The following CSMD3 variants were observed in gnomAD, a reference collection of about 807,000 sequenced individuals.
CSMD3 encodes the protein CUB and sushi domain-containing protein 3.
Under a neutral mutation model 435.2 loss-of-function variants are expected in CSMD3, and 177 were observed. The ratio of observed to expected loss-of-function variants is 0.41; its 90% CI spans 0.36 to 0.46. The LOEUF is 0.46. CSMD3 is among the 20% of genes least tolerant of loss of function. The pLI is 0.34. For synonymous variants in CSMD3, 1,656 were observed against 1,520.5 expected, an observed-to-expected ratio of 1.09 and a Z score of -2.07; for missense variants, 4,265 against 4,504.6, an observed-to-expected ratio of 0.95 and a Z score of 1.52.
At chr8:112,642,205 T>C (rs562240777) in intron 20 of CSMD3, among the ~76,000 whole-genome samples, 1 of 152,236 alleles carries the variant, frequency 6.6e-6, no homozygotes, top group Admixed American at 6.5e-5. Context: ...TTTTCTAATA[T>C]GTAAAGTAAT....
chr8:112,490,491 A>C (rs1433132840), intron 31 of CSMD3, among the ~76,000 whole-genome samples: 2 of 152,190 alleles, frequency 1.3e-5, no homozygotes, highest in Non-Finnish European at 2.9e-5. Flanking sequence ...TGATTATATT[A>C]GGTGGGCATA....
chr8:112,347,681 C>T (rs1391167707), intron 40 of CSMD3, among the ~76,000 whole-genome samples: 1 of 152,036 alleles, frequency 6.6e-6, no homozygotes, highest in African/African-American at 2.4e-5. Context: ...GTTAATTCAC[C>T]CTTAAACCAA....
At chr8:113,376,620 A>G (rs2094384937) in intron 1 of CSMD3, 1 of 1,131,982 alleles carries the variant, frequency 8.8e-7, no homozygotes. Context: ...CATCAAAAGA[A>G]AGTTTACCAC....
At chr8:113,296,291 T>TATAATAATAATAATAATAATAATA in intron 2 of CSMD3, among the ~76,000 whole-genome samples, 1 of 146,268 alleles carries the variant, frequency 6.8e-6, no homozygotes, top group South Asian at 2.2e-4. Context: ...GAACTTAAAG[T>TATAATAATAATAATAATAATAATA]ATAATAATAA....
chr8:112,758,395 G>GT (rs1237142303), intron 13 of CSMD3, among the ~76,000 whole-genome samples: 5 of 151,528 alleles, frequency 3.3e-5, no homozygotes, highest in Non-Finnish European at 5.9e-5. Context: ...GATTTTTAAA[G>GT]TGCAACTCCC....
At chr8:113,182,643 G>C (rs2092439065) in intron 3 of CSMD3, among the ~76,000 whole-genome samples, 1 of 151,990 alleles carries the variant, frequency 6.6e-6, no homozygotes, top group Admixed American at 6.6e-5. Flanking sequence ...ATTGCTCTAG[G>C]CTAGGAGAGA....
intron 24 of CSMD3, among the ~76,000 whole-genome samples, chr8:112,569,485 T>C (rs1377368): frequency 0.21 from 31,709 of 152,166 alleles, 4,076 homozygotes; most frequent in East Asian, 0.47. Flanking sequence ...ACATAATAAA[T>C]GGACCAATAA....
chr8:112,408,957 T>C lies in CSMD3; in HGVS notation c.5471A>G (p.Gln1824Arg). The change falls in exon 33 of 71, where the codon CAA becomes CGA. Residue 1824 changes from glutamine (Q) to arginine (R), a missense_variant. By Grantham distance (43) the Gln-to-Arg change is conservative. Transcript: ENST00000297405. ...TGAGAGGGAAGATAACAGAGAAGATTGCTGAGTTGGCCCATCATACACCTC... is the reference window on the plus strand; with the variant it reads ...TGAGAGGGAAGATAACAGAGAAGATCGCTGAGTTGGCCCATCATACACCTC... ...VVEVYDGPTQ[Q>R]SSLLSSLSGS... The C allele has an allele frequency of 6.2e-7, 1 of 1,613,626 alleles. No individual in the cohort carries two copies. Among genetic ancestry groups the C allele is most frequent in the Non-Finnish European group, 8.5e-7 (1 of 1,179,678 alleles).
chr8:112,663,382 G>A (rs571290066), intron 17 of CSMD3, among the ~76,000 whole-genome samples: 61 of 149,876 alleles, frequency 4.1e-4, no homozygotes, highest in African/African-American at 1.2e-3. Flanking sequence ...AAACTATCGC[G>A]AGGACAAAAA....
At chr8:112,261,606 C>T (rs1816406638) in intron 61 of CSMD3, among the ~76,000 whole-genome samples, 1 of 151,878 alleles carries the variant, frequency 6.6e-6, no homozygotes, top group African/African-American at 2.4e-5. Context: ...AAAAAGAATG[C>T]TGACAACAAT....
At chr8:112,886,915 AT>A (rs903707687) in intron 10 of CSMD3, among the ~76,000 whole-genome samples, 10 of 151,258 alleles carry the variant, frequency 6.6e-5, no homozygotes, top group African/African-American at 1.5e-4. Context: ...ATTATTACAT[AT>A]TTTTTTTCCT....
chr8:112,594,405 T>C (rs987030256), intron 22 of CSMD3, among the ~76,000 whole-genome samples: 1 of 152,054 alleles, frequency 6.6e-6, no homozygotes, highest in African/African-American at 2.4e-5. Flanking sequence ...CACAGCAGTC[T>C]GAGATCAAAC....
intron 1 of CSMD3, among the ~76,000 whole-genome samples, chr8:113,337,331 T>G (rs1270399909): frequency 1.3e-5 from 2 of 152,084 alleles, no homozygotes; most frequent in Non-Finnish European, 2.9e-5. Context: ...TATGCCATAT[T>G]CCTGGAAGAG....
At chr8:112,624,661 T>C (rs1196244861) in intron 22 of CSMD3, among the ~76,000 whole-genome samples, 1 of 152,042 alleles carries the variant, frequency 6.6e-6, no homozygotes, top group African/African-American at 2.4e-5. Flanking sequence ...TACCATAAAG[T>C]ACCAGGTGAG....
At chr8:113,092,110 C>G (rs1056980689) in intron 5 of CSMD3, among the ~76,000 whole-genome samples, 3 of 152,014 alleles carry the variant, frequency 2.0e-5, no homozygotes, top group Non-Finnish European at 1.5e-5. Context: ...ATATGTAGAG[C>G]TTCGAAATCA....
At chr8:112,297,070 T>C (rs1474118828) in intron 53 of CSMD3, among the ~76,000 whole-genome samples, 6 of 150,468 alleles carry the variant, frequency 4.0e-5, no homozygotes, top group Non-Finnish European at 7.4e-5. Flanking sequence ...AGTTTTTATC[T>C]ATTAAAATAT....
chr8:112,697,872 C>A (rs1034878757), intron 13 of CSMD3, among the ~76,000 whole-genome samples: 24 of 151,914 alleles, frequency 1.6e-4, no homozygotes, highest in Non-Finnish European at 3.5e-4. Context: ...GAAGAGGTAA[C>A]CCTAAAGCTA....
At chr8:112,398,213 C>T (rs929871938) in intron 35 of CSMD3, among the ~76,000 whole-genome samples, 2 of 152,198 alleles carry the variant, frequency 1.3e-5, no homozygotes, top group African/African-American at 4.8e-5. Flanking sequence ...TATGGTCTCA[C>T]CTCCTAGACT....
chr8:112,415,860 T>C (rs762127023), intron 32 of CSMD3, among the ~76,000 whole-genome samples: 6 of 152,210 alleles, frequency 3.9e-5, no homozygotes, highest in Non-Finnish European at 7.3e-5. Flanking sequence ...CCTTTTGTTT[T>C]GGCCAATTTC....
Sources: gnomAD v4.1 joint callset for allele counts (sites outside exome capture counted in the v4.1 genomes callset) on GRCh38, gnomAD v4.1.1 for gene constraint, MANE v1.5 for transcripts, NCBI Gene and HGNC (gene_info 2026-07-23, HGNC 2026-07-21) for gene names.